Variants in GRM3 observed in about 807,000 individuals in gnomAD.
GRM3 encodes glutamate metabotropic receptor 3.
GRM3 carries 26 observed loss-of-function variants against 70.5 expected under a neutral mutation model. The observed-to-expected ratio is 0.37, with a 90% CI of 0.27 to 0.51. GRM3 has a LOEUF of 0.51. Ranked by LOEUF, GRM3 falls within the 20% of genes least tolerant of loss-of-function variation. GRM3 has a pLI of 0.93. For missense variants in GRM3, 859 were observed against 1,123.8 expected, an observed-to-expected ratio of 0.76 and a Z score of 3.37; for synonymous variants, 443 against 434.9, an observed-to-expected ratio of 1.02 and a Z score of -0.23.
intron 3 of GRM3, among the ~76,000 whole-genome samples, chr7:86,804,268 A>G (rs954086092): frequency 3.9e-5 from 6 of 152,222 alleles, no homozygotes; most frequent in African/African-American, 1.4e-4. Context: ...AGTAAAGATC[A>G]TATTCATTCT....
At chr7:86,690,772 T>C (rs1327921344) in intron 1 of GRM3, among the ~76,000 whole-genome samples, 1 of 151,904 alleles carries the variant, frequency 6.6e-6, no homozygotes, top group Non-Finnish European at 1.5e-5. Flanking sequence ...TGGAGAAAAA[T>C]GTTAAATTTA....
chr7:86,734,223 ATG>A (rs1584201655), intron 1 of GRM3, among the ~76,000 whole-genome samples: 1 of 152,186 alleles, frequency 6.6e-6, no homozygotes, highest in African/African-American at 2.4e-5. Context: ...TGAAAAAAGA[ATG>A]TGTTGAAAAA....
intron 1 of GRM3, among the ~76,000 whole-genome samples, chr7:86,648,155 G>C (rs1336909406): frequency 1.3e-5 from 2 of 152,118 alleles, no homozygotes; most frequent in Non-Finnish European, 2.9e-5. Flanking sequence ...TTTGCTAAAT[G>C]TTTAAGACAT....
chr7:86,781,161 T>G (rs1392256560), intron 2 of GRM3, among the ~76,000 whole-genome samples: 2 of 152,068 alleles, frequency 1.3e-5, no homozygotes, highest in Non-Finnish European at 2.9e-5. Context: ...AAAACACATC[T>G]GCAACAATTA....
chr7:86,849,613 G>A (rs1186810186), intron 4 of GRM3, among the ~76,000 whole-genome samples: 1 of 152,004 alleles, frequency 6.6e-6, no homozygotes, highest in African/African-American at 2.4e-5. Context: ...TGTGCCTAAG[G>A]GGAAAGGAAA....
intron 5 of GRM3, among the ~76,000 whole-genome samples, chr7:86,852,840 G>A (rs1584280559): frequency 6.6e-6 from 1 of 152,076 alleles, no homozygotes; most frequent in East Asian, 1.9e-4. Context: ...GATATCACAA[G>A]TTCTATTTTA....
intron 1 of GRM3, among the ~76,000 whole-genome samples, chr7:86,681,554 CAA>C (rs908374135): frequency 4.6e-4 from 70 of 152,100 alleles, no homozygotes; most frequent in African/African-American, 1.6e-3. Flanking sequence ...TTTAATTTAG[CAA>C]AGACTTTGGT....
At position 86,850,562 on chromosome 7, in the gene GRM3, CA is replaced by C; in HGVS notation, c.2566+19del. 3 of 1,538,266 alleles carry C rather than the reference CA, an allele frequency of 2.0e-6. No homozygotes were observed. The highest frequency in any genetic ancestry group is 2.7e-6 in the Non-Finnish European group (3 of 1,111,316). ...CTCTCAGTGTAAGTATGGAACTCAG[CA>C]CTAACTCCTTCATACATAGCATTGT... On this transcript the variant is annotated intron_variant, in intron 5 of 5. Coordinates refer to ENST00000361669, the MANE Select transcript of GRM3 (RefSeq NM_000840.3).
chr7:86,705,595 T>G (rs974093992), intron 1 of GRM3, among the ~76,000 whole-genome samples: 2 of 151,710 alleles, frequency 1.3e-5, no homozygotes, highest in African/African-American at 4.8e-5. Context: ...GACCCATGTA[T>G]GCATACACTA....
chr7:86,686,653 A>G (rs1364998195), intron 1 of GRM3, among the ~76,000 whole-genome samples: 1 of 152,206 alleles, frequency 6.6e-6, no homozygotes, highest in Non-Finnish European at 1.5e-5. Flanking sequence ...ATCAAGATAA[A>G]GCATTACTGC....
chr7:86,680,202 A>G (rs1297119551), intron 1 of GRM3, among the ~76,000 whole-genome samples: 1 of 152,138 alleles, frequency 6.6e-6, no homozygotes, highest in African/African-American at 2.4e-5. Context: ...AAGCATGAGG[A>G]TTACTGAAGG....
chr7:86,688,352 TA>T (rs1794614942), intron 1 of GRM3, among the ~76,000 whole-genome samples: 1 of 151,588 alleles, frequency 6.6e-6, no homozygotes, highest in African/African-American at 2.4e-5. Flanking sequence ...GTGGTTAAAT[TA>T]ACAGTGAAAA....
chr7:86,766,749 T>C (rs1328674184), intron 2 of GRM3, among the ~76,000 whole-genome samples: 2 of 152,180 alleles, frequency 1.3e-5, no homozygotes, highest in East Asian at 1.9e-4. Context: ...TCCATGATTC[T>C]AAGAGTCATA....
Position 86,764,993 on chromosome 7 carries a change from T to A in GRM3, c.-140-13T>A. 1 of 1,450,096 alleles carries A rather than the reference T, an allele frequency of 6.9e-7. No individual in the cohort carries two copies. Among genetic ancestry groups the A allele is most frequent in the Non-Finnish European group, 9.0e-7 (1 of 1,107,640 alleles). The allele number at this position is 1,450,096 out of a possible 1,614,324, so 89.8% of individuals were successfully genotyped here. A position where few individuals can be genotyped will look rare whatever the true frequency, so the allele number is the denominator to read the frequency against. On this transcript the variant is annotated splice_polypyrimidine_tract_variant and intron_variant, in intron 1 of 5. Coordinates refer to ENST00000361669, the MANE Select transcript of GRM3 (RefSeq NM_000840.3). ...CTTTACCATTTTTGTTCATATAATTTTTATCTCTTTAGGAATTTTGTGACA... is the reference window on the plus strand; with the variant it reads ...CTTTACCATTTTTGTTCATATAATTATTATCTCTTTAGGAATTTTGTGACA...
At chr7:86,696,700 G>A (rs1426109733) in intron 1 of GRM3, among the ~76,000 whole-genome samples, 1 of 151,948 alleles carries the variant, frequency 6.6e-6, no homozygotes, top group African/African-American at 2.4e-5. Flanking sequence ...TAATAGTGGT[G>A]GTGGTGGTGG....
chr7:86,656,569 T>G (rs1440223896), intron 1 of GRM3, among the ~76,000 whole-genome samples: 1 of 152,040 alleles, frequency 6.6e-6, no homozygotes, highest in East Asian at 1.9e-4. Flanking sequence ...GGCTTTGTGA[T>G]GCTATATTCT....
chr7:86,718,375 C>T (rs559682518), intron 1 of GRM3, among the ~76,000 whole-genome samples: 1 of 151,838 alleles, frequency 6.6e-6, no homozygotes, highest in African/African-American at 2.4e-5. Context: ...TATAATCTGA[C>T]CCATTGAATA....
chr7:86,765,153 T>C lies in GRM3; in HGVS notation c.8T>C (p.Met3Thr). The change falls in exon 2 of 6, where the codon ATG (methionine) becomes ACG (threonine). Residue 3 changes from methionine to threonine, a missense_variant. Physicochemically the swap from Met to Thr is moderately conservative, Grantham distance 81. Coordinates refer to ENST00000361669, the MANE Select transcript of GRM3 (RefSeq NM_000840.3). ...GGTACAGAAACAGGATTCATGAAGA[T>C]GTTGACAAGACTGCAAGTTCTTACC... MK[M>T]LTRLQVLTLA... is the part of the protein sequence containing the mutation. 1 of 1,573,272 alleles carries C rather than the reference T, an allele frequency of 6.4e-7. No individual in the cohort carries two copies. The highest frequency in any genetic ancestry group is 8.6e-7 in the Non-Finnish European group (1 of 1,163,646).
chr7:86,763,074 A>T (rs931818553), intron 1 of GRM3, among the ~76,000 whole-genome samples: 5 of 152,118 alleles, frequency 3.3e-5, no homozygotes, highest in African/African-American at 1.2e-4. Flanking sequence ...AGTAATTGAG[A>T]TTGTGCATTA....
Sources: gnomAD v4.1 joint callset for allele counts (sites outside exome capture counted in the v4.1 genomes callset) on GRCh38, gnomAD v4.1.1 for gene constraint, MANE v1.5 for transcripts, NCBI Gene and HGNC (gene_info 2026-07-23, HGNC 2026-07-21) for gene names.